Variants in DNAH3 observed in about 807,000 individuals in gnomAD.
DNAH3 encodes axonemal beta dynein heavy chain 3.
DNAH3 carries 332 observed loss-of-function variants against 432.5 expected under a neutral mutation model. That is an observed-to-expected ratio of 0.77 (90% CI 0.70 to 0.84). The LOEUF is 0.84. Among genes scored for constraint, DNAH3 ranks in the 40% least tolerant of loss-of-function variants. DNAH3 has a pLI of 0.00. For synonymous variants in DNAH3, 1,956 were observed against 1,900.2 expected, an observed-to-expected ratio of 1.03 and a Z score of -0.76; for missense variants, 4,861 against 5,114.0, an observed-to-expected ratio of 0.95 and a Z score of 1.51.
chr16:21,153,983 T>G (rs1218912482), intron 1 of DNAH3, among the ~76,000 whole-genome samples: 1 of 152,366 alleles, frequency 6.6e-6, no homozygotes, highest in East Asian at 1.9e-4. Flanking sequence ...GCATTTGGAA[T>G]AATTGAGACA....
chr16:21,011,513 T>C (rs757374987), intron 41 of DNAH3, among the ~76,000 whole-genome samples: 2 of 152,092 alleles, frequency 1.3e-5, no homozygotes, highest in African/African-American at 2.4e-5. Flanking sequence ...TGTGCCATCA[T>C]GGCTGGCTAA....
chr16:21,009,907 G>C (rs1484078256), intron 41 of DNAH3, among the ~76,000 whole-genome samples: 1 of 131,632 alleles, frequency 7.6e-6, no homozygotes, highest in Non-Finnish European at 1.6e-5. Flanking sequence ...GGAGAGGAGA[G>C]GAGAGGAGGG....
chr16:21,139,089 G>C (rs1030762473), intron 5 of DNAH3, among the ~76,000 whole-genome samples: 6 of 152,072 alleles, frequency 3.9e-5, no homozygotes, highest in African/African-American at 1.4e-4. Flanking sequence ...TTGCTCTAAA[G>C]TTTTATTGTT....
Position 20,985,513 on chromosome 16 carries a change from C to G in DNAH3, c.7229G>C (p.Arg2410Thr), listed in dbSNP as rs2086147959. The G allele has an allele frequency of 1.2e-6, 2 of 1,614,180 alleles. No homozygotes were observed. Among genetic ancestry groups the G allele is most frequent in the Middle Eastern group, 1.6e-4 (1 of 6,062 alleles). The change falls in exon 48 of 62, where the codon AGG becomes ACG. Residue 2410 changes from arginine (R) to threonine (T), a missense_variant. Transcript: ENST00000261383. ...CCTAGAGATGTGCTCAATGGCAAAC[C>G]TGAACATGACCAGGGACATGGGGGC... is the stretch of plus-strand genomic sequence containing the variant.
At chr16:20,973,608 C>A (rs1206934871) in intron 51 of DNAH3, among the ~76,000 whole-genome samples, 1 of 152,216 alleles carries the variant, frequency 6.6e-6, no homozygotes, top group Non-Finnish European at 1.5e-5. Context: ...TAACCATGTA[C>A]TTCAAAGTGC....
intron 33 of DNAH3, among the ~76,000 whole-genome samples, chr16:21,039,213 GCTTT>G (rs1004458814): frequency 3.9e-5 from 4 of 103,628 alleles, no homozygotes; most frequent in Non-Finnish European, 7.8e-5. Context: ...TTATAGTGTT[GCTTT>G]TTTTTTTTTT....
chr16:21,001,125 C>A (rs1328889933), intron 42 of DNAH3, among the ~76,000 whole-genome samples: 1 of 152,216 alleles, frequency 6.6e-6, no homozygotes, highest in African/African-American at 2.4e-5. Context: ...CTAAGACCCA[C>A]CCTTACTAAT....
exon 62 of DNAH3, chr16:20,933,216 C>G (rs2083470708): frequency 6.2e-7 from 1 of 1,614,242 alleles, no homozygotes; most frequent in East Asian, 2.2e-5. Flanking sequence ...TGGGGCATGT[C>G]TGTTGGAAGC....
rs113381093 is a variant in DNAH3, at chr16:21,036,887, G to A, written c.4951-39C>T. The A allele has an allele frequency of 2.8e-5, 43 of 1,547,868 alleles. No homozygotes were observed. The African/African-American group carries it at 4.5e-4, about 16-fold the overall frequency. On this transcript the variant is annotated intron_variant, in intron 34 of 61. Coordinates refer to ENST00000261383, the Ensembl canonical transcript of DNAH3. ...TTTAAAAGAAAGTGGAAAGGATAAAGTATCAGATATATGACCTCAACATTT... is the reference window on the plus strand; with the variant it reads ...TTTAAAAGAAAGTGGAAAGGATAAAATATCAGATATATGACCTCAACATTT...
intron 58 of DNAH3, 78 bp downstream of exon 58, chr16:20,944,417 AC>A: frequency 6.5e-7 from 1 of 1,533,328 alleles, no homozygotes; most frequent in Non-Finnish European, 8.9e-7. Context: ...CCTCTTGGTC[AC>A]CCTCCAATCC....
Position 20,965,428 on chromosome 16 carries a change from A to C in DNAH3, c.8459-3T>G. 6.6e-7 allele frequency: 1 copy of C among 1,509,086 alleles called. No individual in the cohort carries two copies. Among genetic ancestry groups the C allele is most frequent in the Non-Finnish European group, 8.9e-7 (1 of 1,128,774 alleles). The allele number at this position is 1,509,086 out of a possible 1,614,324, so 93.5% of individuals were successfully genotyped here. On this transcript the variant is annotated splice_polypyrimidine_tract_variant and splice_region_variant and intron_variant, in intron 52 of 61. Transcript: ENST00000261383. ...CCAGTAATCTTCTATCATCTTACCT[A>C]TTTGGAACAAGAAACAGAGATAATG...
chr16:20,946,130 C>T (rs1243085193), intron 57 of DNAH3, among the ~76,000 whole-genome samples: 1 of 152,138 alleles, frequency 6.6e-6, no homozygotes, highest in Non-Finnish European at 1.5e-5. Context: ...CATTATGCCC[C>T]TCCAGCATTA....
intron 40 of DNAH3, 69 bp from the exon 41 acceptor site, chr16:21,019,938 T>C (rs2088073306): frequency 1.3e-6 from 2 of 1,571,792 alleles, no homozygotes; most frequent in Non-Finnish European, 1.7e-6. Context: ...TGTGAACTGG[T>C]TGGCTTTGCC....
intron 61 of DNAH3, 26 bp from the exon 62 acceptor site, chr16:20,933,533 C>T: frequency 6.6e-7 from 1 of 1,519,990 alleles, no homozygotes; most frequent in Non-Finnish European, 8.8e-7. Context: ...GCTATGAGCT[C>T]CATTGCCTGC....
At chr16:21,153,763 T>C (rs1166183658) in intron 1 of DNAH3, among the ~76,000 whole-genome samples, 1 of 151,970 alleles carries the variant, frequency 6.6e-6, no homozygotes, top group African/African-American at 2.4e-5. Context: ...GCTGTAACAC[T>C]CACCGCGAGG....
At chr16:21,157,269 G>C (rs546899914) in intron 1 of DNAH3, among the ~76,000 whole-genome samples, 5 of 151,424 alleles carry the variant, frequency 3.3e-5, no homozygotes, top group Non-Finnish European at 5.9e-5. Flanking sequence ...GCCTCAATAG[G>C]TGCTAAGTTC....
chr16:21,069,878 T>G (rs185742037), intron 22 of DNAH3, among the ~76,000 whole-genome samples: 1 of 152,170 alleles, frequency 6.6e-6, no homozygotes, highest in South Asian at 2.1e-4. Context: ...ATGGTCTGAG[T>G]GCTTTAAGTA....
chr16:21,013,269 C>T (rs1440974406), intron 41 of DNAH3, among the ~76,000 whole-genome samples: 1 of 151,912 alleles, frequency 6.6e-6, no homozygotes, highest in African/African-American at 2.4e-5. Flanking sequence ...GTGGGTCATG[C>T]CTGTAATCCC....
chr16:21,025,616 G>A (rs575256088), intron 38 of DNAH3, among the ~76,000 whole-genome samples: 2 of 151,372 alleles, frequency 1.3e-5, no homozygotes, highest in South Asian at 2.1e-4. Flanking sequence ...CCTTAATAGA[G>A]TTACTAAGAT....
Sources: gnomAD v4.1 joint callset for allele counts (sites outside exome capture counted in the v4.1 genomes callset) on GRCh38, gnomAD v4.1.1 for gene constraint, MANE v1.5 for transcripts, NCBI Gene and HGNC (gene_info 2026-07-23, HGNC 2026-07-21) for gene names.